SREBF2: variants seen among roughly 807,000 people sequenced by gnomAD.
SREBF2 encodes sterol regulatory element binding transcription factor 2, also known as sterol regulatory element-binding protein 2.
A neutral mutation model predicts 113.1 loss-of-function variants in SREBF2; 55 were observed. The ratio of observed to expected loss-of-function variants is 0.49; its 90% CI spans 0.39 to 0.61. SREBF2 has a LOEUF of 0.61. Among genes scored for constraint, SREBF2 ranks in the 20% least tolerant of loss-of-function variants. The pLI, the probability that SREBF2 is intolerant of heterozygous loss-of-function variation, is 0.00. For missense variants in SREBF2, 1,349 were observed against 1,487.4 expected (o/e 0.91, Z 1.53); for synonymous variants, 593 against 605.7 (o/e 0.98, Z 0.31).
At chr22:41,896,988 A>C in intron 13 of SREBF2, 64 bp from the exon 14 acceptor site, 6 of 1,152,374 alleles carry the variant, frequency 5.2e-6, no homozygotes, top group Non-Finnish European at 7.7e-6. Flanking sequence ...CTGAACAGCT[A>C]GGCCATGAGG....
At chr22:41,887,924 A>G (rs1171360565) in intron 11 of SREBF2, among the ~76,000 whole-genome samples, 2 of 152,156 alleles carry the variant, frequency 1.3e-5, no homozygotes, top group Non-Finnish European at 2.9e-5. Flanking sequence ...CTCTTCTTAC[A>G]TTTATTGGCA....
chr22:41,898,040 C>G (rs1180026291), intron 14 of SREBF2, among the ~76,000 whole-genome samples: 1 of 152,180 alleles, frequency 6.6e-6, no homozygotes, highest in African/African-American at 2.4e-5. Context: ...ATGTGTTAAA[C>G]TTTTTTCTCT....
intron 10 of SREBF2, among the ~76,000 whole-genome samples, chr22:41,881,901 A>G (rs561062047): frequency 2.6e-5 from 4 of 152,072 alleles, no homozygotes; most frequent in South Asian, 4.1e-4. Context: ...GCAAAACCCC[A>G]TTTCTACAAA....
chr22:41,896,977 G>T (rs774823881), intron 13 of SREBF2, 75 bp from the exon 14 acceptor site: 4 of 1,046,426 alleles, frequency 3.8e-6, no homozygotes, highest in Non-Finnish European at 5.8e-6. Context: ...GAGCTGGAGA[G>T]CTGAACAGCT....
rs151151395 is a variant in SREBF2, at chr22:41,871,030, G to C, written c.862G>C (p.Val288Leu). ...CCCTATCCAGACGGCTGCCCTTCAAGTACCAGTAAGAGCTGCCTTCTCCCC... is the reference window on the plus strand; with the variant it reads ...CCCTATCCAGACGGCTGCCCTTCAACTACCAGTAAGAGCTGCCTTCTCCCC... ...TTPIQTAALQVPTLVGSSGTI... is the reference protein window; with the variant it reads ...TTPIQTAALQLPTLVGSSGTI... Residue 288 changes from valine to leucine, a missense_variant, in exon 4 of 19, where the codon GTA (valine) becomes CTA (leucine). Physicochemically the swap from Val to Leu is conservative, Grantham distance 32. Transcript: ENST00000361204. The C allele has an allele frequency of 2.2e-4, 361 of 1,613,882 alleles. No homozygotes were observed. Among genetic ancestry groups the C allele is most frequent in the Non-Finnish European group, 3.0e-4 (358 of 1,180,022 alleles).
At chr22:41,877,548 C>T (rs1182612142) in intron 8 of SREBF2, 127 bp downstream of exon 8, 2 of 1,121,876 alleles carry the variant, frequency 1.8e-6, no homozygotes, top group Admixed American at 2.0e-5. Context: ...CCCCCACCTG[C>T]TTGCTTCTGA....
rs1022012738 is a variant in SREBF2, at chr22:41,863,678, C to T, written c.89-3153C>T. ...TCCCTCGCACAAGGCTGAGTGAGGA[C>T]AGAGCTTAGTGTCAAGATGTTGGTA... On this transcript the variant is annotated intron_variant, in intron 1 of 18. Coordinates refer to ENST00000361204, the MANE Select transcript of SREBF2 (RefSeq NM_004599.4). 2.6e-5 allele frequency among the ~76,000 whole-genome samples: 4 copies of T among 152,088 alleles called. No individual in the cohort carries two copies. The South Asian group carries it at 8.3e-4, about 32-fold the overall frequency.
intron 1 of SREBF2, among the ~76,000 whole-genome samples, chr22:41,838,685 AT>A (rs2076800923): frequency 6.6e-6 from 1 of 152,214 alleles, no homozygotes; most frequent in African/African-American, 2.4e-5. Flanking sequence ...GTGAACCCAG[AT>A]TGTGCCACTG....
At chr22:41,841,511 A>G (rs2076830226) in intron 1 of SREBF2, among the ~76,000 whole-genome samples, 1 of 152,216 alleles carries the variant, frequency 6.6e-6, no homozygotes, top group Admixed American at 6.5e-5. Context: ...CGCCCTTGAC[A>G]AACATTCCCC....
At chr22:41,878,312 C>G (rs1303650791) in intron 9 of SREBF2, among the ~76,000 whole-genome samples, 189 bp downstream of exon 9, 1 of 152,126 alleles carries the variant, frequency 6.6e-6, no homozygotes, top group East Asian at 1.9e-4. Context: ...ATGAGATGAT[C>G]TATGTCTCCG....
chr22:41,887,060 C>G (rs915333102), intron 11 of SREBF2, among the ~76,000 whole-genome samples: 3 of 151,710 alleles, frequency 2.0e-5, no homozygotes, highest in African/African-American at 4.8e-5. Context: ...TACATACAAA[C>G]AAAAATTAGC....
At chr22:41,862,845 G>A (rs986271835) in intron 1 of SREBF2, among the ~76,000 whole-genome samples, 6 of 152,174 alleles carry the variant, frequency 3.9e-5, no homozygotes, top group Non-Finnish European at 8.8e-5. Flanking sequence ...CCGGCTGCCC[G>A]GCTGACTGGA....
At chr22:41,854,319 A>G (rs1017759648) in intron 1 of SREBF2, among the ~76,000 whole-genome samples, 2 of 150,318 alleles carry the variant, frequency 1.3e-5, no homozygotes, top group Non-Finnish European at 3.0e-5. Context: ...CCACCCCCAC[A>G]CTCAGATAAT....
chr22:41,871,116 A>G (rs999770731), intron 4 of SREBF2, 81 bp downstream of exon 4: 10 of 1,558,464 alleles, frequency 6.4e-6, no homozygotes, highest in Admixed American at 3.4e-5. Context: ...TTAAATCTCT[A>G]TATGCTGAGT....
chr22:41,867,345 A>T (rs373464275), intron 2 of SREBF2, 65 bp downstream of exon 2: 1 of 1,545,280 alleles, frequency 6.5e-7, no homozygotes, highest in African/African-American at 1.4e-5. Flanking sequence ...GTTTGCAGAC[A>T]CTGTAAATAT....
intron 1 of SREBF2, among the ~76,000 whole-genome samples, chr22:41,856,090 G>GT (rs113816393): frequency 0.012 from 1,833 of 150,320 alleles, 27 homozygotes; most frequent in African/African-American, 0.04. Context: ...GGCATATAAC[G>GT]TTTTTTTTTG....
At chr22:41,904,181 A>G (rs1031538584) in intron 17 of SREBF2, among the ~76,000 whole-genome samples, 2 of 152,152 alleles carry the variant, frequency 1.3e-5, no homozygotes, top group African/African-American at 4.8e-5. Flanking sequence ...CCTGGTCCAA[A>G]GGCCTCCTCT....
chr22:41,837,631 G>A (rs2076790124), intron 1 of SREBF2, among the ~76,000 whole-genome samples: 1 of 151,484 alleles, frequency 6.6e-6, no homozygotes, highest in Non-Finnish European at 1.5e-5. Flanking sequence ...GGCCGAGGCG[G>A]GTGGATCACC....
chr22:41,900,349 A>G lies in SREBF2; in HGVS notation c.2758A>G (p.Ile920Val). ...CTGCAGGAGCCCCCTGGTGAAGGCC[A>G]TCTTCCATGCCTGCAGAGCCATGCA... The part of the protein sequence containing the change: ...EVTESPLVKA[I>V]FHACRAMHAS... The change falls in exon 16 of 19, where the codon ATC (isoleucine) becomes GTC (valine). Residue 920 changes from isoleucine (I) to valine (V), a missense_variant. Transcript: ENST00000361204. The G allele has an allele frequency of 1.5e-5, 24 of 1,613,618 alleles. No homozygotes were observed. Among genetic ancestry groups the G allele is most frequent in the Non-Finnish European group, 1.9e-5 (23 of 1,180,020 alleles).
Sources: gnomAD v4.1 joint callset for allele counts (sites outside exome capture counted in the v4.1 genomes callset) on GRCh38, gnomAD v4.1.1 for gene constraint, MANE v1.5 for transcripts, NCBI Gene and HGNC (gene_info 2026-07-23, HGNC 2026-07-21) for gene names.